CDH4: variants seen among roughly 807,000 people sequenced by gnomAD.
CDH4 encodes cadherin 4, also known as cadherin-4.
A neutral mutation model predicts 86.0 loss-of-function variants in CDH4; 33 were observed. That is an observed-to-expected ratio of 0.38 (90% confidence interval 0.29 to 0.51). The LOEUF (loss-of-function observed/expected upper bound fraction) is 0.51, where lower values mean the gene tolerates loss of function less well. Ranked by LOEUF, CDH4 falls within the 20% of genes least tolerant of loss-of-function variation. The pLI is 0.86. For synonymous variants in CDH4, 555 were observed against 549.4 expected, an observed-to-expected ratio of 1.01 and a Z score of -0.14; for missense variants, 1,114 against 1,307.4, an observed-to-expected ratio of 0.85 and a Z score of 2.28.
chr20:61,521,814 TC>T (rs1004406302), intron 2 of CDH4, among the ~76,000 whole-genome samples: 3 of 152,140 alleles, frequency 2.0e-5, no homozygotes, highest in African/African-American at 7.2e-5. Flanking sequence ...GGTTTGGTGA[TC>T]GGCCCCCACT....
At chr20:61,474,418 G>C (rs1041760883) in intron 2 of CDH4, among the ~76,000 whole-genome samples, 1 of 148,644 alleles carries the variant, frequency 6.7e-6, no homozygotes, top group Non-Finnish European at 1.5e-5. Flanking sequence ...CAGGCAATCC[G>C]CTCACCTCGG....
At chr20:61,846,479 G>A (rs16985654) in intron 5 of CDH4, among the ~76,000 whole-genome samples, 73,817 of 151,914 alleles carry the variant, frequency 0.49, 19,130 homozygotes, top group Non-Finnish European at 0.59. Flanking sequence ...AAATAGCTAC[G>A]GACCAAGGAC....
intron 2 of CDH4, among the ~76,000 whole-genome samples, chr20:61,722,476 A>G (rs1287090696): frequency 1.3e-5 from 2 of 152,218 alleles, no homozygotes; most frequent in African/African-American, 4.8e-5. Flanking sequence ...GTCTTGGCCA[A>G]TGAAATGGAA....
At chr20:61,283,652 G>C (rs1330784991) in intron 2 of CDH4, among the ~76,000 whole-genome samples, 1 of 152,206 alleles carries the variant, frequency 6.6e-6, no homozygotes, top group East Asian at 1.9e-4. Flanking sequence ...GAGTGGATGG[G>C]AGGATATTTC....
intron 2 of CDH4, among the ~76,000 whole-genome samples, chr20:61,339,900 T>C (rs2084641034): frequency 6.6e-6 from 1 of 152,216 alleles, no homozygotes; most frequent in Non-Finnish European, 1.5e-5. Context: ...CTTAGAATGT[T>C]CGAAGGGAAC....
At chr20:61,478,806 G>T (rs1488405136) in intron 2 of CDH4, among the ~76,000 whole-genome samples, 4 of 152,212 alleles carry the variant, frequency 2.6e-5, no homozygotes, top group Admixed American at 6.5e-5. Context: ...AGCGTTTCTG[G>T]TGCTGGCCAT....
intron 8 of CDH4, among the ~76,000 whole-genome samples, chr20:61,898,240 C>T (rs530100773): frequency 1.3e-5 from 2 of 152,234 alleles, no homozygotes; most frequent in Non-Finnish European, 2.9e-5. Flanking sequence ...TTTACCAAGC[C>T]TAATCAAGAA....
chr20:61,704,892 T>C (rs1026692867), intron 2 of CDH4, among the ~76,000 whole-genome samples: 3 of 152,308 alleles, frequency 2.0e-5, no homozygotes, highest in African/African-American at 7.2e-5. Context: ...AAGTGTCTCC[T>C]AGGGCCAAAT....
intron 2 of CDH4, among the ~76,000 whole-genome samples, chr20:61,538,036 C>T (rs556123394): frequency 6.6e-6 from 1 of 152,210 alleles, no homozygotes; most frequent in Non-Finnish European, 1.5e-5. Context: ...CCCCTCCAAA[C>T]CCCTAGGCTG....
At chr20:61,526,276 A>G (rs1195330859) in intron 2 of CDH4, among the ~76,000 whole-genome samples, 1 of 151,820 alleles carries the variant, frequency 6.6e-6, no homozygotes, top group Non-Finnish European at 1.5e-5. Context: ...TGGCCTCTGT[A>G]TGAGTCAGGA....
intron 2 of CDH4, among the ~76,000 whole-genome samples, chr20:61,636,581 T>A (rs1482192485): frequency 6.6e-6 from 1 of 152,242 alleles, no homozygotes; most frequent in African/African-American, 2.4e-5. Context: ...GAGCGTGGCC[T>A]TTTGTCTATC....
chr20:61,291,507 G>A (rs1473500097), intron 2 of CDH4, among the ~76,000 whole-genome samples: 3 of 152,226 alleles, frequency 2.0e-5, no homozygotes, highest in African/African-American at 7.2e-5. Context: ...CTCCTCCAGA[G>A]TAAGGGGGGA....
intron 2 of CDH4, among the ~76,000 whole-genome samples, chr20:61,362,395 G>A (rs2084788409): frequency 6.6e-6 from 1 of 151,370 alleles, no homozygotes. Flanking sequence ...ATGTGGCCTA[G>A]GACAGCGTAG....
intron 2 of CDH4, among the ~76,000 whole-genome samples, chr20:61,321,481 T>TTG (rs373568187): frequency 2.0e-5 from 3 of 151,834 alleles, no homozygotes; most frequent in Non-Finnish European, 4.4e-5. Context: ...ACATTTCACA[T>TTG]TGTGTGTGTG....
chr20:61,695,393 C>T (rs1253702159), intron 2 of CDH4, among the ~76,000 whole-genome samples: 1 of 152,176 alleles, frequency 6.6e-6, no homozygotes, highest in African/African-American at 2.4e-5. Context: ...CACCATCAGA[C>T]CCGAACGAGG....
At chr20:61,494,361 G>C (rs1349002656) in intron 2 of CDH4, among the ~76,000 whole-genome samples, 1 of 152,162 alleles carries the variant, frequency 6.6e-6, no homozygotes, top group Non-Finnish European at 1.5e-5. Flanking sequence ...TGCTATGAAA[G>C]AAACCCATAA....
chr20:61,413,546 T>TTG (rs921200708), intron 2 of CDH4, among the ~76,000 whole-genome samples: 3 of 152,170 alleles, frequency 2.0e-5, no homozygotes, highest in Admixed American at 1.3e-4. Flanking sequence ...TGGCATGCTG[T>TTG]GTGTCTTGTG....
intron 2 of CDH4, among the ~76,000 whole-genome samples, chr20:61,566,001 G>A (rs2086294822): frequency 6.6e-6 from 1 of 152,186 alleles, no homozygotes; most frequent in African/African-American, 2.4e-5. Context: ...CCCATCAAGT[G>A]CCTGCCACCG....
chr20:61,522,869 G>A (rs2085882153), intron 2 of CDH4, among the ~76,000 whole-genome samples: 1 of 152,222 alleles, frequency 6.6e-6, no homozygotes, highest in East Asian at 1.9e-4. Flanking sequence ...ACTTACTACC[G>A]GGTGGGCCGG....
Sources: allele counts gnomAD v4.1 joint callset (sites outside exome capture counted in the v4.1 genomes callset), GRCh38; gene constraint gnomAD v4.1.1; transcripts MANE v1.5; gene names NCBI Gene and HGNC (gene_info 2026-07-23, HGNC 2026-07-21).